The following C3orf22 variants were observed in gnomAD, a reference collection of about 807,000 sequenced individuals.
C3orf22 encodes the protein uncharacterized protein C3orf22.
Under a neutral mutation model 10.8 loss-of-function variants are expected in C3orf22, and 7 were observed. That is an observed-to-expected ratio of 0.65 (90% CI 0.37 to 1.22). The LOEUF (loss-of-function observed/expected upper bound fraction) is 1.22, where lower values mean the gene tolerates loss of function less well. Among genes scored for constraint, C3orf22 ranks in the 50% most tolerant of loss-of-function variants. The pLI, the probability that C3orf22 is intolerant of heterozygous loss-of-function variation, is 0.02. For missense variants in C3orf22, 173 were observed against 177.0 expected (o/e 0.98, Z 0.13); for synonymous variants, 79 against 78.9 (o/e 1.00, Z 0.00).
intron 4 of C3orf22, among the ~76,000 whole-genome samples, chr3:126,536,564 C>A (rs1936795358): frequency 1.3e-5 from 2 of 152,118 alleles, no homozygotes; most frequent in African/African-American, 4.8e-5. Context: ...ACCTATCTTC[C>A]CATCCATCAA....
At chr3:126,551,763 C>T (rs540047298) in intron 3 of C3orf22, among the ~76,000 whole-genome samples, 6 of 152,242 alleles carry the variant, frequency 3.9e-5, no homozygotes, top group African/African-American at 7.2e-5. Flanking sequence ...GGCCTAACCC[C>T]GGTGGCCTGG....
At chr3:126,530,572 G>T (rs939930693) in intron 4 of C3orf22, among the ~76,000 whole-genome samples, 5 of 152,378 alleles carry the variant, frequency 3.3e-5, no homozygotes, top group Non-Finnish European at 5.9e-5. Context: ...CGGCGAGAAG[G>T]CCTGGCCTCC....
At chr3:126,541,849 G>T in intron 4 of C3orf22, 1 of 1,584,412 alleles carries the variant, frequency 6.3e-7, no homozygotes, top group Non-Finnish European at 8.6e-7. Context: ...TGCGGCACGT[G>T]CTGGTGGACG....
At chr3:126,558,243 TA>T (rs550327038) in intron 1 of C3orf22, among the ~76,000 whole-genome samples, 388 of 152,334 alleles carry the variant, frequency 2.5e-3, no homozygotes, top group Non-Finnish European at 4.9e-3. Context: ...TCCGGAAAGT[TA>T]ACTGATTTGC....
downstream of C3orf22, among the ~76,000 whole-genome samples, chr3:126,548,455 A>G (rs1288790013): frequency 6.6e-6 from 1 of 152,158 alleles, no homozygotes; most frequent in Non-Finnish European, 1.5e-5. Flanking sequence ...GCGTTGCTGT[A>G]TTTTGCTTAT....
chr3:126,536,716 C>G (rs1936799571), intron 4 of C3orf22, among the ~76,000 whole-genome samples: 1 of 151,956 alleles, frequency 6.6e-6, no homozygotes, highest in Non-Finnish European at 1.5e-5. Context: ...GCAGGGACCC[C>G]CAGCCCCGGC....
rs923965335 is a variant in C3orf22, at chr3:126,552,019, T to C, written c.193A>G (p.Thr65Ala). 5 of 1,613,060 alleles carry C rather than the reference T, an allele frequency of 3.1e-6. No individual in the cohort carries two copies. Among genetic ancestry groups the C allele is most frequent in the Non-Finnish European group, 4.2e-6 (5 of 1,179,480 alleles). ...QLPLQKRLVP[T>A]RSIPVRGLGA... is the part of the protein sequence containing the mutation. ...TACCCTCGGACTGGGATGGACCTCG[T>C]TGGCACCAACCTCTTCTGCAGGGGC... Residue 65 changes from threonine to alanine, a missense_variant, in exon 3 of 4, where the codon ACG (threonine) becomes GCG (alanine). Transcript: ENST00000318225.
At chr3:126,535,095 CAGAT>C (rs71994057) in intron 4 of C3orf22, among the ~76,000 whole-genome samples, 1,073 of 6,066 alleles carry the variant, frequency 0.18, no homozygotes, top group Middle Eastern at 0.38. Context: ...AGCCGGGAGA[CAGAT>C]AGACAGCATC....
chr3:126,558,166 AT>A (rs1402871911), intron 1 of C3orf22, among the ~76,000 whole-genome samples: 3 of 152,142 alleles, frequency 2.0e-5, no homozygotes, highest in African/African-American at 2.4e-5. Flanking sequence ...ACCTCACTTC[AT>A]TTTTTTTCTA....
intron 4 of C3orf22, chr3:126,541,675 G>A (rs1936958668): frequency 2.2e-6 from 3 of 1,366,794 alleles, no homozygotes; most frequent in South Asian, 1.6e-5. Context: ...CAGCGCCAGA[G>A]TCAGGGAGCC....
intron 4 of C3orf22, among the ~76,000 whole-genome samples, chr3:126,535,057 GAGAC>G (rs146511110): frequency 1.5e-3 from 6 of 4,112 alleles, no homozygotes; most frequent in East Asian, 8.6e-3. Flanking sequence ...CCTCAGCCGG[GAGAC>G]AGACAGACAG....
At chr3:126,536,499 A>T in intron 4 of C3orf22, 1 of 610,944 alleles carries the variant, frequency 1.6e-6, no homozygotes, top group Non-Finnish European at 2.9e-6. Flanking sequence ...TTTGTCAGAG[A>T]GCAGTGACAA....
At chr3:126,537,261 GAGGAAAC>G (rs1436745801) in intron 4 of C3orf22, among the ~76,000 whole-genome samples, 1 of 152,256 alleles carries the variant, frequency 6.6e-6, no homozygotes, top group Non-Finnish European at 1.5e-5. Flanking sequence ...GCCACAGGCA[GAGGAAAC>G]AGCTGTGCCA....
At chr3:126,557,682 G>A (rs1038603878) in intron 1 of C3orf22, among the ~76,000 whole-genome samples, 3 of 152,188 alleles carry the variant, frequency 2.0e-5, no homozygotes, top group Admixed American at 6.5e-5. Flanking sequence ...CACCGCCTCC[G>A]TGCCCCATCT....
chr3:126,547,377 C>T (rs950719081), downstream of C3orf22, among the ~76,000 whole-genome samples: 3 of 152,224 alleles, frequency 2.0e-5, no homozygotes, highest in African/African-American at 7.2e-5. Context: ...TCATTTTCTT[C>T]TTTGCAGGAA....
chr3:126,546,065 C>T (rs1468052733), downstream of C3orf22, among the ~76,000 whole-genome samples: 1 of 152,206 alleles, frequency 6.6e-6, no homozygotes, highest in Non-Finnish European at 1.5e-5. Flanking sequence ...TGGCCTGAAC[C>T]TAGCCCACTG....
chr3:126,542,266 G>A, intron 4 of C3orf22: 1 of 1,557,332 alleles, frequency 6.4e-7, no homozygotes, highest in Non-Finnish European at 8.6e-7. Flanking sequence ...CGCGCACGCG[G>A]CGTGAGGAGC....
exon 6 of C3orf22, chr3:126,527,277 A>T (rs909877908): frequency 2.6e-5 from 4 of 152,256 alleles, no homozygotes; most frequent in African/African-American, 9.6e-5. Context: ...CTCGGCGAGG[A>T]CAAACCCAAC....
At chr3:126,548,176 G>A (rs1409793302), downstream of C3orf22, among the ~76,000 whole-genome samples, 2 of 152,196 alleles carry the variant, frequency 1.3e-5, no homozygotes, top group Non-Finnish European at 1.5e-5. Flanking sequence ...TGTATTTTTA[G>A]TAGAGACGGG....
Sources: allele counts gnomAD v4.1 joint callset (sites outside exome capture counted in the v4.1 genomes callset), GRCh38; gene constraint gnomAD v4.1.1; transcripts MANE v1.5; gene names NCBI Gene and HGNC (gene_info 2026-07-23, HGNC 2026-07-21).